SORCS1: variants seen among roughly 807,000 people sequenced by gnomAD.
SORCS1 encodes the protein VPS10 domain-containing receptor SorCS1.
SORCS1 carries 60 observed loss-of-function variants against 146.1 expected under a neutral mutation model. That is an observed-to-expected ratio of 0.41 (90% CI 0.33 to 0.51). SORCS1 has a LOEUF of 0.51. SORCS1 is among the 20% of genes least tolerant of loss of function. The probability of loss-of-function intolerance (pLI) is 0.21; values close to 1 mark genes in which losing one functional copy is unlikely to be tolerated. For missense variants in SORCS1, 1,352 were observed against 1,487.6 expected, an observed-to-expected ratio of 0.91 and a Z score of 1.50; for synonymous variants, 637 against 584.0, an observed-to-expected ratio of 1.09 and a Z score of -1.31.
chr10:106,742,100 G>A (rs940792620), intron 5 of SORCS1, among the ~76,000 whole-genome samples: 2 of 152,172 alleles, frequency 1.3e-5, no homozygotes, highest in Admixed American at 1.3e-4. Flanking sequence ...TTGGAAGGGA[G>A]TAAGAATAGA....
chr10:106,733,319 T>A (rs1417010166), intron 5 of SORCS1, among the ~76,000 whole-genome samples: 1 of 152,152 alleles, frequency 6.6e-6, no homozygotes, highest in Non-Finnish European at 1.5e-5. Context: ...ATGATTTTTA[T>A]TTGATGATGC....
chr10:106,738,586 G>A (rs1857133436), intron 5 of SORCS1, among the ~76,000 whole-genome samples: 2 of 152,220 alleles, frequency 1.3e-5, no homozygotes, highest in Admixed American at 1.3e-4. Flanking sequence ...TGGGGCCAGA[G>A]GGGCCACAGT....
At chr10:106,822,782 G>GT (rs1158921880) in intron 3 of SORCS1, among the ~76,000 whole-genome samples, 3,439 of 113,114 alleles carry the variant, frequency 0.03, 162 homozygotes, top group African/African-American at 0.075. Flanking sequence ...TTCATGTGTG[G>GT]TTTTTTTTTT....
intron 1 of SORCS1, among the ~76,000 whole-genome samples, chr10:106,985,201 A>G (rs919476763): frequency 6.6e-6 from 1 of 152,174 alleles, no homozygotes; most frequent in African/African-American, 2.4e-5. Flanking sequence ...ATGAATACAT[A>G]AATAAATAAA....
intron 1 of SORCS1, among the ~76,000 whole-genome samples, chr10:107,035,544 C>T (rs1245567683): frequency 6.6e-6 from 1 of 152,100 alleles, no homozygotes; most frequent in Non-Finnish European, 1.5e-5. Context: ...AATCAGAGAA[C>T]TATGTATAGT....
At chr10:106,967,415 A>G (rs907302273) in intron 1 of SORCS1, among the ~76,000 whole-genome samples, 2 of 152,192 alleles carry the variant, frequency 1.3e-5, no homozygotes, top group Non-Finnish European at 2.9e-5. Context: ...AAAAAACCAA[A>G]TAGCTGCACC....
intron 14 of SORCS1, among the ~76,000 whole-genome samples, chr10:106,673,677 G>A (rs992681791): frequency 3.9e-5 from 6 of 152,152 alleles, no homozygotes; most frequent in African/African-American, 1.4e-4. Flanking sequence ...TCTTGCTAAT[G>A]TACATAGTTC....
At chr10:107,038,182 C>A (rs1367374557) in intron 1 of SORCS1, among the ~76,000 whole-genome samples, 1 of 152,206 alleles carries the variant, frequency 6.6e-6, no homozygotes, top group African/African-American at 2.4e-5. Context: ...CCAAACAAAG[C>A]TATAGAGGAA....
At chr10:107,146,439 G>A (rs908697242) in intron 1 of SORCS1, among the ~76,000 whole-genome samples, 6 of 152,076 alleles carry the variant, frequency 3.9e-5, no homozygotes, top group African/African-American at 9.7e-5. Flanking sequence ...TCTACTTCCC[G>A]AAAAGAATCC....
At position 106,576,450 on chromosome 10, in the gene SORCS1, G is replaced by A. The variant is rs541497629; in HGVS notation, c.*970C>T. On this transcript the variant is annotated 3_prime_UTR_variant, in exon 26 of 26. Transcript: ENST00000263054. ...CAACAGATCATGGTCACACATGGATGACAAACAAATGTGAAGACAGGACAA... is the reference window on the plus strand; with the variant it reads ...CAACAGATCATGGTCACACATGGATAACAAACAAATGTGAAGACAGGACAA... 5.4e-4 allele frequency: 82 copies of A among 152,364 alleles called. No individual in the cohort carries two copies. The highest frequency in any genetic ancestry group is 1.9e-3 in the African/African-American group (81 of 41,590). The allele number at this position is 152,364 out of a possible 1,614,324, so 9.4% of individuals were successfully genotyped here.
intron 8 of SORCS1, among the ~76,000 whole-genome samples, chr10:106,706,273 AAAGT>A (rs1434314603): frequency 2.6e-5 from 4 of 151,918 alleles, no homozygotes; most frequent in Non-Finnish European, 4.4e-5. Flanking sequence ...AGAAAAAAAG[AAAGT>A]AAGATGAAGG....
intron 18 of SORCS1, among the ~76,000 whole-genome samples, chr10:106,638,140 T>G (rs1462257436): frequency 6.6e-6 from 1 of 152,180 alleles, no homozygotes; most frequent in Non-Finnish European, 1.5e-5. Flanking sequence ...CACTGCATGA[T>G]GTGGCTGTAG....
rs1191525526 is a variant in SORCS1 at position 106,607,205 on chromosome 10, T to C, written c.3126A>G (p.Pro1042=). ...AELFVLPYQD[P]AGENKRSTDD... is the part of the protein sequence containing the mutation. ...CAGTTGACCTTTTGTTTTCTCCAGCTGGATCCTGATAGGGTAGGACAAAGA... is the reference window on the plus strand; with the variant it reads ...CAGTTGACCTTTTGTTTTCTCCAGCCGGATCCTGATAGGGTAGGACAAAGA... The change falls in exon 23 of 26, where the codon CCA becomes CCG. Residue 1042 remains proline, a synonymous_variant. Coordinates refer to ENST00000263054, the MANE Select transcript of SORCS1 (RefSeq NM_052918.5). 3 of 1,614,138 alleles carry C rather than the reference T, an allele frequency of 1.9e-6. No homozygotes were observed. Among genetic ancestry groups the C allele is most frequent in the Non-Finnish European group, 2.5e-6 (3 of 1,179,978 alleles).
chr10:107,177,566 G>GT, the SORCS1 span, among the ~76,000 whole-genome samples: 2 of 152,096 alleles, frequency 1.3e-5, no homozygotes, highest in Admixed American at 6.5e-5. Context: ...ATAATGTACA[G>GT]TATATTTCAA....
chr10:107,116,927 T>C (rs1966076951), intron 1 of SORCS1, among the ~76,000 whole-genome samples: 1 of 152,208 alleles, frequency 6.6e-6, no homozygotes, highest in African/African-American at 2.4e-5. Flanking sequence ...AAGAGCTTGG[T>C]ATTAATGAAT....
intron 1 of SORCS1, among the ~76,000 whole-genome samples, chr10:106,981,903 G>A (rs1330804031): frequency 6.6e-6 from 1 of 152,162 alleles, no homozygotes; most frequent in Non-Finnish European, 1.5e-5. Context: ...TCTCCTAAGA[G>A]AAGCCCACGA....
intron 3 of SORCS1, among the ~76,000 whole-genome samples, chr10:106,806,831 A>G (rs1235578697): frequency 3.3e-5 from 5 of 152,090 alleles, no homozygotes; most frequent in Admixed American, 2.6e-4. Context: ...AAGCCTTTCA[A>G]ATAAAGAAAA....
At chr10:107,160,131 G>A (rs190543564) in intron 1 of SORCS1, among the ~76,000 whole-genome samples, 1 of 152,300 alleles carries the variant, frequency 6.6e-6, no homozygotes, top group East Asian at 1.9e-4. Context: ...TTTTCTACAA[G>A]GAGATGGAGC....
chr10:106,884,892 T>C (rs1950936840), intron 2 of SORCS1, among the ~76,000 whole-genome samples: 1 of 152,166 alleles, frequency 6.6e-6, no homozygotes, highest in African/African-American at 2.4e-5. Context: ...AATTCAATGG[T>C]ATAAGTATGT....
Sources: allele counts gnomAD v4.1 joint callset (sites outside exome capture counted in the v4.1 genomes callset), GRCh38; gene constraint gnomAD v4.1.1; transcripts MANE v1.5; gene names NCBI Gene and HGNC (gene_info 2026-07-23, HGNC 2026-07-21).